The following NUP98 variants were observed in gnomAD, a reference collection of about 807,000 sequenced individuals.
The protein encoded by NUP98 is nuclear pore complex protein Nup98-Nup96.
A neutral mutation model predicts 191.9 loss-of-function variants in NUP98; 26 were observed. That is an observed-to-expected ratio of 0.14 (90% CI 0.10 to 0.19). NUP98 has a LOEUF of 0.19. NUP98 is among the 10% of genes least tolerant of loss of function. NUP98 has a pLI of 1.00. For synonymous variants in NUP98, 808 were observed against 778.4 expected (o/e 1.04, Z -0.63); for missense variants, 1,941 against 2,178.8 (o/e 0.89, Z 2.17).
At chr11:3,677,147 G>A (rs2077839921) in intron 31 of NUP98, among the ~76,000 whole-genome samples, 1 of 152,138 alleles carries the variant, frequency 6.6e-6, no homozygotes, top group Admixed American at 6.6e-5. Flanking sequence ...AAAATCACAA[G>A]CCATGTAGAT....
chr11:3,676,257 G>T lies in NUP98; in HGVS notation c.5305C>A (p.His1769Asn). Residue 1769 changes from histidine (H) to asparagine (N), a missense_variant, in exon 33 of 33, where the codon CAC (histidine) becomes AAC (asparagine). By Grantham distance (68) the His-to-Asn change is moderately conservative. Coordinates refer to ENST00000324932, the MANE Select transcript of NUP98 (RefSeq NM_016320.5). ...QRVPLRLLAP[H>N]IGRLPMPEDY... Reference sequence around the variant, plus strand: ...TCAGGCATGGGAAGCCGGCCAATGTGGGGAGCCAAGAGGCGCAAAGGGACT... The same window carrying T: ...TCAGGCATGGGAAGCCGGCCAATGTTGGGAGCCAAGAGGCGCAAAGGGACT... 5 of 1,614,178 alleles carry T rather than the reference G, an allele frequency of 3.1e-6. No individual in the cohort carries two copies. The highest frequency in any genetic ancestry group is 4.2e-6 in the Non-Finnish European group (5 of 1,180,044).
chr11:3,727,651 CAGG>C (rs1035151838), intron 14 of NUP98, among the ~76,000 whole-genome samples: 2 of 152,016 alleles, frequency 1.3e-5, no homozygotes. Context: ...TGCTTGAGCC[CAGG>C]AGTTCAAGAC....
intron 1 of NUP98, among the ~76,000 whole-genome samples, chr11:3,794,468 A>G (rs2082461907): frequency 1.3e-5 from 2 of 151,988 alleles, no homozygotes; most frequent in African/African-American, 4.8e-5. Flanking sequence ...CAATGGGCGC[A>G]TGCTGCCACG....
intron 14 of NUP98, among the ~76,000 whole-genome samples, chr11:3,730,169 A>G (rs2079788749): frequency 6.6e-6 from 1 of 151,404 alleles, no homozygotes; most frequent in Admixed American, 6.6e-5. Flanking sequence ...TAGGAGATGG[A>G]GGTTGCAGTG....
intron 11 of NUP98, among the ~76,000 whole-genome samples, chr11:3,752,372 C>T (rs2080794296): frequency 2.6e-5 from 4 of 151,642 alleles, no homozygotes; most frequent in African/African-American, 9.7e-5. Flanking sequence ...CAATAATTAG[C>T]CAAGGATGGT....
At chr11:3,790,095 CAAG>C (rs1198924288) in intron 1 of NUP98, among the ~76,000 whole-genome samples, 8 of 152,130 alleles carry the variant, frequency 5.3e-5, no homozygotes, top group African/African-American at 1.9e-4. Flanking sequence ...ATTTACCTAT[CAAG>C]AAGGTTGAGT....
intron 14 of NUP98, among the ~76,000 whole-genome samples, chr11:3,726,687 T>C (rs2079632487): frequency 6.6e-6 from 1 of 151,926 alleles, no homozygotes; most frequent in South Asian, 2.1e-4. Context: ...AAATACTTTT[T>C]CCCCCAAACA....
chr11:3,729,338 T>C (rs2079742069), intron 14 of NUP98, among the ~76,000 whole-genome samples: 1 of 150,952 alleles, frequency 6.6e-6, no homozygotes, highest in Non-Finnish European at 1.5e-5. Flanking sequence ...AACTAGGAAA[T>C]TGTGGGGTCC....
chr11:3,746,906 G>A (rs61877595), intron 11 of NUP98, among the ~76,000 whole-genome samples: 98 of 142,620 alleles, frequency 6.9e-4, no homozygotes, highest in Non-Finnish European at 1.3e-3. Context: ...AGAGCAAAAC[G>A]CAGTCTCAAA....
chr11:3,771,434 C>G (rs1000168741), intron 7 of NUP98, among the ~76,000 whole-genome samples: 1 of 152,128 alleles, frequency 6.6e-6, no homozygotes, highest in Non-Finnish European at 1.5e-5. Flanking sequence ...ATGGCAAAAA[C>G]TCAGAGTTTT....
intron 3 of NUP98, 39 bp downstream of exon 3, chr11:3,779,117 C>A: frequency 1.9e-6 from 3 of 1,613,118 alleles, no homozygotes; most frequent in Non-Finnish European, 2.5e-6. Flanking sequence ...CCTATACTAG[C>A]TACAAACAAA....
In NUP98 at chr11:3,797,440, C is replaced by A; in HGVS notation, c.-69G>T. On this transcript the variant is annotated 5_prime_UTR_variant, in exon 1 of 33. Transcript: ENST00000324932. ...AAGGGGAAGTGTCAGGAGTCCCCTG[C>A]TGCCACCCGCCGCTCACAGAGCAGC... 1 of 414,444 alleles carries A rather than the reference C, an allele frequency of 2.4e-6. No individual in the cohort carries two copies. Among genetic ancestry groups the A allele is most frequent in the Non-Finnish European group, 4.2e-6 (1 of 235,376 alleles). The allele number at this position is 414,444 out of a possible 1,614,324, so 25.7% of individuals were successfully genotyped here.
chr11:3,753,831 C>T (rs568005067), intron 10 of NUP98, among the ~76,000 whole-genome samples: 74 of 138,676 alleles, frequency 5.3e-4, no homozygotes, highest in Admixed American at 3.7e-4. Context: ...CCCAGCTACT[C>T]GGGAGGCTAA....
chr11:3,748,026 T>A (rs191391748), intron 11 of NUP98, among the ~76,000 whole-genome samples: 1 of 152,352 alleles, frequency 6.6e-6, no homozygotes, highest in East Asian at 1.9e-4. Context: ...GTATTCATCT[T>A]TTAGTTTATA....
intron 11 of NUP98, among the ~76,000 whole-genome samples, chr11:3,748,198 T>C (rs2080581300): frequency 6.6e-6 from 1 of 152,134 alleles, no homozygotes; most frequent in African/African-American, 2.4e-5. Context: ...TTATAGAGTC[T>C]TGGAATATGG....
chr11:3,742,796 A>C (rs1442622415), intron 12 of NUP98, among the ~76,000 whole-genome samples: 3 of 152,118 alleles, frequency 2.0e-5, no homozygotes, highest in African/African-American at 7.2e-5. Flanking sequence ...AGACTCAAGA[A>C]ATATTATCAC....
At chr11:3,753,499 A>G in intron 10 of NUP98, 91 bp from the exon 11 acceptor site, 1 of 967,516 alleles carries the variant, frequency 1.0e-6, no homozygotes, top group Non-Finnish European at 1.6e-6. Flanking sequence ...GTCTGACTTT[A>G]AGTTGTGAAC....
At chr11:3,686,439 G>C (rs963851934) in intron 28 of NUP98, among the ~76,000 whole-genome samples, 1 of 152,190 alleles carries the variant, frequency 6.6e-6, no homozygotes, top group Non-Finnish European at 1.5e-5. Flanking sequence ...GCTGGTAATG[G>C]TTTGGCGTAT....
At chr11:3,693,096 A>G (rs2078370025) in intron 27 of NUP98, 136 bp downstream of exon 27, 1 of 800,310 alleles carries the variant, frequency 1.2e-6, no homozygotes, top group Admixed American at 2.4e-5. Context: ...AAATAAAAAC[A>G]GACACTTGGG....
Sources: gnomAD v4.1 joint callset for allele counts (sites outside exome capture counted in the v4.1 genomes callset) on GRCh38, gnomAD v4.1.1 for gene constraint, MANE v1.5 for transcripts, NCBI Gene and HGNC (gene_info 2026-07-23, HGNC 2026-07-21) for gene names.